The following SIDT1 variants were observed in gnomAD, a reference collection of about 807,000 sequenced individuals.
SIDT1 encodes the protein SID1 transmembrane family, member 1.
A neutral mutation model predicts 107.5 loss-of-function variants in SIDT1; 101 were observed. The observed-to-expected ratio is 0.94, with a 90% CI of 0.80 to 1.11. The LOEUF is 1.11. Ranked by LOEUF, SIDT1 falls within the 50% of genes least tolerant of loss-of-function variation. The probability of loss-of-function intolerance (pLI) is 0.00; values close to 1 mark genes in which losing one functional copy is unlikely to be tolerated. For missense variants in SIDT1, 1,076 were observed against 1,058.2 expected (o/e 1.02, Z -0.23); for synonymous variants, 395 against 398.2 (o/e 0.99, Z 0.10).
intron 19 of SIDT1, among the ~76,000 whole-genome samples, chr3:113,615,442 G>A (rs769649045): frequency 8.5e-5 from 13 of 152,114 alleles, no homozygotes; most frequent in Non-Finnish European, 1.9e-4. Flanking sequence ...AACACAGCCC[G>A]TCTTTGACCC....
intron 1 of SIDT1, among the ~76,000 whole-genome samples, chr3:113,541,329 C>T (rs1425849837): frequency 6.6e-6 from 1 of 152,100 alleles, no homozygotes; most frequent in Admixed American, 6.6e-5. Flanking sequence ...GCCACCACAC[C>T]CAGCTAGTTT....
intron 17 of SIDT1, among the ~76,000 whole-genome samples, chr3:113,608,912 G>C (rs1044944743): frequency 1.3e-5 from 2 of 152,144 alleles, no homozygotes; most frequent in Non-Finnish European, 2.9e-5. Context: ...GCAGCCCCTG[G>C]CTTCGTAGTT....
At chr3:113,625,778 T>C (rs1344938513) in intron 23 of SIDT1, 8 of 234,938 alleles carry the variant, frequency 3.4e-5, no homozygotes, top group Non-Finnish European at 4.9e-5. Flanking sequence ...GCTCCTTATA[T>C]ATTCTGGTTA....
At chr3:113,621,573 T>C (rs1253066025) in intron 21 of SIDT1, among the ~76,000 whole-genome samples, 1 of 152,214 alleles carries the variant, frequency 6.6e-6, no homozygotes, top group East Asian at 1.9e-4. Context: ...CTGTAGAAAA[T>C]GTAATTATCT....
chr3:113,578,821 C>A (rs927006897), intron 4 of SIDT1, among the ~76,000 whole-genome samples: 1 of 152,060 alleles, frequency 6.6e-6, no homozygotes, highest in Admixed American at 6.6e-5. Flanking sequence ...TGCCATTGCA[C>A]CCTAGCCTGG....
At chr3:113,556,807 C>G (rs890227887) in intron 1 of SIDT1, among the ~76,000 whole-genome samples, 1 of 112,612 alleles carries the variant, frequency 8.9e-6, no homozygotes, top group Non-Finnish European at 1.9e-5. Context: ...TTGGTATGCC[C>G]TAAGTTTCTT....
At chr3:113,560,190 G>T (rs1202112617) in intron 1 of SIDT1, among the ~76,000 whole-genome samples, 7 of 152,094 alleles carry the variant, frequency 4.6e-5, no homozygotes, top group Admixed American at 1.3e-4. Flanking sequence ...TACGAGTGGA[G>T]GTCTTATGCA....
chr3:113,575,945 A>G (rs893351211), intron 3 of SIDT1, among the ~76,000 whole-genome samples: 1 of 152,226 alleles, frequency 6.6e-6, no homozygotes, highest in Non-Finnish European at 1.5e-5. Context: ...TCCCAGGTGC[A>G]GCGTTTCAGC....
chr3:113,596,572 C>G (rs1435387162), intron 10 of SIDT1, among the ~76,000 whole-genome samples: 2 of 152,140 alleles, frequency 1.3e-5, no homozygotes, highest in African/African-American at 4.8e-5. Context: ...AATGACTGGA[C>G]CCTGTATTGT....
At position 113,585,275 on chromosome 3, in the gene SIDT1, G is replaced by T. The variant is rs769117487; in HGVS notation, c.1001+5G>T. ...TGGGTTTGTTCATTATCTGAGGTAGGTCAATCTTTTCTAGAAATGTTAATT... is the reference window on the plus strand; with the variant it reads ...TGGGTTTGTTCATTATCTGAGGTAGTTCAATCTTTTCTAGAAATGTTAATT... On this transcript the variant is annotated splice_donor_5th_base_variant and intron_variant, in intron 9 of 24. Transcript: ENST00000264852. 2.5e-6 allele frequency: 4 copies of T among 1,596,976 alleles called. 1 individual carries two copies. In the South Asian group the frequency reaches 4.4e-5, roughly 18 times the overall value.
chr3:113,634,930 C>T, the SIDT1 span, among the ~76,000 whole-genome samples: 999 of 152,322 alleles, frequency 6.6e-3, 10 homozygotes, highest in African/African-American at 0.022. Context: ...AATAAAACCA[C>T]GGCTGTGAAG....
chr3:113,579,818 C>T (rs538693278), intron 4 of SIDT1, among the ~76,000 whole-genome samples: 20 of 152,224 alleles, frequency 1.3e-4, no homozygotes, highest in Non-Finnish European at 2.1e-4. Flanking sequence ...AATCAGTTAT[C>T]GTATTTTATA....
chr3:113,598,819 G>A (rs1195736303), intron 10 of SIDT1, among the ~76,000 whole-genome samples: 1 of 152,164 alleles, frequency 6.6e-6, no homozygotes, highest in African/African-American at 2.4e-5. Flanking sequence ...AAGGACATAG[G>A]TTAGTGACTT....
Position 113,601,632 on chromosome 3 carries a change from C to T in SIDT1, c.1090C>T (p.Pro364Ser). ...ATCTCATCCCATTGCTGCCAGCACA[C>T]CCGAAGGGAGCAATTATGGGACAAT... ...VASHPIAAST[P>S]EGSNYGTIDE... Residue 364 changes from proline (P) to serine (S), a missense_variant, in exon 11 of 25, where the codon CCC becomes TCC. Pro to Ser is a moderately conservative substitution (Grantham distance 74). Transcript: ENST00000264852. 1 of 1,613,866 alleles carries T rather than the reference C, an allele frequency of 6.2e-7. No individual in the cohort carries two copies. The highest frequency in any genetic ancestry group is 1.1e-5 in the South Asian group (1 of 91,066).
intron 1 of SIDT1, among the ~76,000 whole-genome samples, chr3:113,539,594 T>C (rs921174933): frequency 4.0e-4 from 61 of 152,332 alleles, no homozygotes; most frequent in South Asian, 2.9e-3. Flanking sequence ...AATTCAGAAA[T>C]ATACGGTTTT....
At chr3:113,580,957 C>A (rs1345703321) in intron 5 of SIDT1, among the ~76,000 whole-genome samples, 1 of 152,094 alleles carries the variant, frequency 6.6e-6, no homozygotes, top group Non-Finnish European at 1.5e-5. Flanking sequence ...AGGGAGGAAG[C>A]AGGGAAGGAT....
At chr3:113,620,602 T>C (rs61183514) in intron 21 of SIDT1, among the ~76,000 whole-genome samples, 4,261 of 152,182 alleles carry the variant, frequency 0.028, 125 homozygotes, top group East Asian at 0.11. Context: ...CTGAGTCCTA[T>C]CTGGGGGGCA....
intron 1 of SIDT1, among the ~76,000 whole-genome samples, chr3:113,564,376 T>C (rs1420515760): frequency 6.6e-6 from 1 of 152,250 alleles, no homozygotes; most frequent in Non-Finnish European, 1.5e-5. Context: ...TTCTTGTTAC[T>C]TTGGGGTAAA....
chr3:113,559,431 A>AT (rs1179491182), intron 1 of SIDT1, among the ~76,000 whole-genome samples: 1 of 136,094 alleles, frequency 7.3e-6, no homozygotes, highest in African/African-American at 2.9e-5. Flanking sequence ...CATTCTTTTT[A>AT]TTTATTTTTT....
Sources: gnomAD v4.1 joint callset for allele counts (sites outside exome capture counted in the v4.1 genomes callset) on GRCh38, gnomAD v4.1.1 for gene constraint, MANE v1.5 for transcripts, NCBI Gene and HGNC (gene_info 2026-07-23, HGNC 2026-07-21) for gene names.